MADD: variants seen among roughly 807,000 people sequenced by gnomAD.
MADD encodes the protein MAP kinase-activating death domain protein.
Under a neutral mutation model 176.7 loss-of-function variants are expected in MADD, and 109 were observed. The ratio of observed to expected loss-of-function variants is 0.62; its 90% CI spans 0.53 to 0.72. MADD has a LOEUF of 0.72. Among genes scored for constraint, MADD ranks in the 30% least tolerant of loss-of-function variants. The pLI is 0.00. For missense variants in MADD, 1,914 were observed against 2,045.5 expected, an observed-to-expected ratio of 0.94 and a Z score of 1.24; for synonymous variants, 771 against 771.3, an observed-to-expected ratio of 1.00 and a Z score of 0.01.
chr11:47,327,928 ACT>A (rs1325042349), intron 31 of MADD: 1 of 983,142 alleles, frequency 1.0e-6, no homozygotes, highest in East Asian at 1.2e-4. Context: ...GAGCGGGGGG[ACT>A]CTCACTCTTG....
chr11:47,280,879 T>G (rs931403178), intron 7 of MADD, among the ~76,000 whole-genome samples: 3 of 152,264 alleles, frequency 2.0e-5, no homozygotes, highest in Non-Finnish European at 4.4e-5. Flanking sequence ...AATTATATTT[T>G]AAATGTTTGT....
chr11:47,300,055 G>C (rs370245635), intron 22 of MADD, among the ~76,000 whole-genome samples: 2 of 151,998 alleles, frequency 1.3e-5, no homozygotes, highest in Non-Finnish European at 2.9e-5. Flanking sequence ...AGGTATGTTC[G>C]CTCTGTACCT....
At chr11:47,316,248 T>C (rs2092883253) in intron 27 of MADD, among the ~76,000 whole-genome samples, 1 of 152,004 alleles carries the variant, frequency 6.6e-6, no homozygotes, top group Non-Finnish European at 1.5e-5. Context: ...TAACAGAAAA[T>C]AGTACACATT....
intron 21 of MADD, 56 bp from the exon 24 acceptor site, chr11:47,295,841 G>T (rs1434774956): frequency 6.4e-7 from 1 of 1,563,266 alleles, no homozygotes; most frequent in Non-Finnish European, 8.6e-7. Flanking sequence ...TAACAGCTTG[G>T]TATTTCTGGG....
intron 8 of MADD, 59 bp downstream of exon 8, chr11:47,281,812 G>A (rs1240983449): frequency 3.7e-6 from 5 of 1,341,600 alleles, no homozygotes; most frequent in African/African-American, 3.0e-5. Flanking sequence ...TGCTCTCTAA[G>A]GGACCTTGGG....
chr11:47,282,342 C>A, intron 8 of MADD, 39 bp from the exon 9 acceptor site: 2 of 1,560,776 alleles, frequency 1.3e-6, no homozygotes, highest in Non-Finnish European at 1.8e-6. Flanking sequence ...GAATCCTTAC[C>A]CTATGGGTCT....
intron 22 of MADD, among the ~76,000 whole-genome samples, chr11:47,308,048 G>C (rs1299728709): frequency 6.6e-6 from 1 of 152,258 alleles, no homozygotes; most frequent in East Asian, 1.9e-4. Flanking sequence ...AGTAAGAGTT[G>C]ATAGGAAAGA....
Position 47,286,590 on chromosome 11 carries a change from G to C in MADD, c.2653+56G>C. Reference sequence around the variant, plus strand: ...GTTTCTCCGGGAGATGTTTCGGGCTGTGGGTTCATGTCAGGAGCCCTGCAT... The same window carrying C: ...GTTTCTCCGGGAGATGTTTCGGGCTCTGGGTTCATGTCAGGAGCCCTGCAT... On this transcript the variant is annotated intron_variant, in intron 15 of 32. Coordinates refer to ENST00000402192, the Ensembl canonical transcript of MADD. The C allele has an allele frequency of 8.1e-6, 11 of 1,354,380 alleles. No individual in the cohort carries two copies. In the South Asian group the frequency reaches 1.2e-4, roughly 15 times the overall value. 83.9% of individuals were successfully genotyped at this position (1,354,380 alleles called of 1,614,324 possible). A position where few individuals can be genotyped will look rare whatever the true frequency, so the allele number is the denominator to read the frequency against.
At chr11:47,324,173 T>G in intron 28 of MADD, 92 bp from the exon 32 acceptor site, 1 of 1,187,286 alleles carries the variant, frequency 8.4e-7, no homozygotes, top group Non-Finnish European at 1.2e-6. Flanking sequence ...ACCCCTCACT[T>G]CAACCTCCAG....
At chr11:47,278,575 A>G (rs1167192186) in intron 6 of MADD, among the ~76,000 whole-genome samples, 1 of 152,176 alleles carries the variant, frequency 6.6e-6, no homozygotes, top group Non-Finnish European at 1.5e-5. Context: ...TACATGTGGT[A>G]TAGATCATCT....
chr11:47,280,844 G>A (rs1018624021), intron 7 of MADD, among the ~76,000 whole-genome samples: 1 of 152,224 alleles, frequency 6.6e-6, no homozygotes, highest in East Asian at 1.9e-4. Flanking sequence ...TGGGATTACA[G>A]GCATGAGCCA....
chr11:47,287,886 G>A (rs997371964), intron 15 of MADD, among the ~76,000 whole-genome samples: 1 of 147,572 alleles, frequency 6.8e-6, no homozygotes, highest in Admixed American at 6.9e-5. Context: ...CGCCTCCCGG[G>A]TTCACACCAT....
chr11:47,297,162 G>T (rs780151750), intron 22 of MADD, among the ~76,000 whole-genome samples: 5 of 152,196 alleles, frequency 3.3e-5, no homozygotes, highest in African/African-American at 7.2e-5. Flanking sequence ...CTCTACAAGA[G>T]CTTATACGCA....
At chr11:47,270,448 C>T (rs933932022) in intron 1 of MADD, among the ~76,000 whole-genome samples, 1 of 142,670 alleles carries the variant, frequency 7.0e-6, no homozygotes, top group African/African-American at 2.6e-5. Flanking sequence ...GGAGGGGGCT[C>T]AGGCTACTGG....
chr11:47,286,342 A>G lies in MADD; in HGVS notation c.2552-91A>G, dbSNP rs540517616. 1.4e-5 allele frequency: 11 copies of G among 810,054 alleles called. No homozygotes were observed. The African/African-American group carries it at 1.5e-4, about 11-fold the overall frequency. The allele number at this position is 810,054 out of a possible 1,614,324, so 50.2% of individuals were successfully genotyped here. On this transcript the variant is annotated intron_variant, in intron 14 of 32. Transcript: ENST00000402192. ...CACCAAACTGGGATTGTGTTTGAAA[A>G]GGAGGGAGGTGCAGATGCTGATAGT...
At chr11:47,275,086 C>G in exon 3 of MADD, 2 of 1,614,238 alleles carry the variant, frequency 1.2e-6, no homozygotes, top group Non-Finnish European at 1.7e-6. Flanking sequence ...TTTGTATACT[C>G]TCAAGCGCCT....
intron 31 of MADD, chr11:47,328,325 C>G: frequency 3.2e-6 from 4 of 1,251,164 alleles, no homozygotes; most frequent in Non-Finnish European, 4.0e-6. Context: ...CCTCAGGGGC[C>G]CTGGACAGTA....
intron 15 of MADD, 50 bp from the exon 17 acceptor site, chr11:47,289,341 C>T: frequency 6.9e-7 from 1 of 1,445,236 alleles, no homozygotes; most frequent in Non-Finnish European, 9.7e-7. Flanking sequence ...CTGGCATGAG[C>T]TCCTGTACTA....
At chr11:47,316,523 G>C (rs2093054352) in intron 27 of MADD, among the ~76,000 whole-genome samples, 1 of 151,160 alleles carries the variant, frequency 6.6e-6, no homozygotes, top group Admixed American at 6.6e-5. Context: ...CAAGTAGCTG[G>C]GATTACAGGC....
Sources: gnomAD v4.1 joint callset for allele counts (sites outside exome capture counted in the v4.1 genomes callset) on GRCh38, gnomAD v4.1.1 for gene constraint, MANE v1.5 for transcripts, NCBI Gene and HGNC (gene_info 2026-07-23, HGNC 2026-07-21) for gene names.